Variants in RGS7BP observed in about 807,000 individuals in gnomAD.
RGS7BP encodes regulator of G protein signaling 7 binding protein.
A neutral mutation model predicts 31.3 loss-of-function variants in RGS7BP; 9 were observed. The observed-to-expected ratio is 0.29, with a 90% confidence interval of 0.17 to 0.50. RGS7BP has a LOEUF of 0.50. Among genes scored for constraint, RGS7BP ranks in the 20% least tolerant of loss-of-function variants. The probability of loss-of-function intolerance (pLI) is 0.98; values close to 1 mark genes in which losing one functional copy is unlikely to be tolerated. For missense variants in RGS7BP, 274 were observed against 322.0 expected (o/e 0.85, Z 1.14); for synonymous variants, 115 against 120.1 (o/e 0.96, Z 0.28).
intron 2 of RGS7BP, among the ~76,000 whole-genome samples, chr5:64,538,609 T>A (rs1741447071): frequency 7.8e-6 from 1 of 128,724 alleles, no homozygotes; most frequent in Admixed American, 9.5e-5. Flanking sequence ...CAGGCTGGAG[T>A]GCAGTGGCAC....
At chr5:64,597,108 T>G (rs1372043054) in intron 4 of RGS7BP, among the ~76,000 whole-genome samples, 1 of 152,172 alleles carries the variant, frequency 6.6e-6, no homozygotes, top group Non-Finnish European at 1.5e-5. Flanking sequence ...TTCCTGGCTA[T>G]TTTAAATGAA....
intron 3 of RGS7BP, among the ~76,000 whole-genome samples, chr5:64,577,460 T>A (rs1742466908): frequency 6.6e-6 from 1 of 152,008 alleles, no homozygotes; most frequent in African/African-American, 2.4e-5. Flanking sequence ...TAAAAAATCT[T>A]GTGTACACAT....
intron 3 of RGS7BP, 88 bp downstream of exon 3, chr5:64,575,992 T>C (rs1169114987): frequency 8.8e-7 from 1 of 1,142,036 alleles, no homozygotes; most frequent in African/African-American, 1.6e-5. Context: ...CCATATCATA[T>C]GCCTATCTAT....
chr5:64,550,580 T>A (rs149859116), intron 2 of RGS7BP, among the ~76,000 whole-genome samples: 2,259 of 151,862 alleles, frequency 0.015, 88 homozygotes, highest in African/African-American at 0.051. Flanking sequence ...TGCATTTTTT[T>A]AATTTTATTA....
At chr5:64,582,645 C>T (rs890048969) in intron 3 of RGS7BP, among the ~76,000 whole-genome samples, 1 of 152,144 alleles carries the variant, frequency 6.6e-6, no homozygotes, top group Non-Finnish European at 1.5e-5. Context: ...GAGATGTAAT[C>T]ACAAAAGGGA....
At chr5:64,513,223 C>A (rs772869058) in intron 2 of RGS7BP, among the ~76,000 whole-genome samples, 23 of 152,288 alleles carry the variant, frequency 1.5e-4, no homozygotes, top group Non-Finnish European at 2.6e-4. Context: ...AGCAATGTAA[C>A]GAACATCCTA....
chr5:64,515,989 G>T (rs1423907166), intron 2 of RGS7BP, among the ~76,000 whole-genome samples: 14 of 152,012 alleles, frequency 9.2e-5, no homozygotes, highest in Admixed American at 9.2e-4. Flanking sequence ...TTATTATAGA[G>T]ACTGGGGTCT....
At chr5:64,514,184 C>G (rs190404106) in intron 2 of RGS7BP, among the ~76,000 whole-genome samples, 11 of 152,164 alleles carry the variant, frequency 7.2e-5, no homozygotes, top group Non-Finnish European at 1.3e-4. Context: ...TTTACAAGGA[C>G]AGTAGTCATA....
At position 64,598,414 on chromosome 5, in the gene RGS7BP, C is replaced by G; in HGVS notation, c.661C>G (p.Pro221Ala). The G allele has an allele frequency of 6.2e-7, 1 of 1,604,786 alleles. No individual in the cohort carries two copies. Among genetic ancestry groups the G allele is most frequent in the Non-Finnish European group, 8.5e-7 (1 of 1,171,610 alleles). ...TTTAAGCAAACTCAGGGAAACTATG[C>G]CTTTACCATTGAAAAATCAAGGTGA... ...NLLSKLRETM[P>A]LPLKNQDDSS... is the part of the protein sequence containing the mutation. The change falls in exon 5 of 6, where the codon CCT (proline) becomes GCT (alanine). Residue 221 changes from proline to alanine, a missense_variant. Coordinates refer to ENST00000334025, the MANE Select transcript of RGS7BP (RefSeq NM_001029875.3).
chr5:64,600,608 A>C (rs1743193539), intron 5 of RGS7BP, among the ~76,000 whole-genome samples: 1 of 152,212 alleles, frequency 6.6e-6, no homozygotes, highest in African/African-American at 2.4e-5. Flanking sequence ...TGAACCTTGG[A>C]TCTATCTGGG....
Position 64,611,686 on chromosome 5 carries a change from A to G in RGS7BP, c.*2434A>G, listed in dbSNP as rs1282679658. 2 of 152,186 alleles carry G rather than the reference A, an allele frequency of 1.3e-5. No individual in the cohort carries two copies. Among genetic ancestry groups the G allele is most frequent in the Non-Finnish European group, 2.9e-5 (2 of 67,852 alleles). The allele number at this position is 152,186 out of a possible 1,614,324, so 9.4% of individuals were successfully genotyped here. A position where few individuals can be genotyped will look rare whatever the true frequency, so the allele number is the denominator to read the frequency against. Reference sequence around the variant, plus strand: ...ATCAGTTTTGTAGTTCCCGTGGATAAACTCCAAGATCTAAAGATCCTCTTT... The same window carrying G: ...ATCAGTTTTGTAGTTCCCGTGGATAGACTCCAAGATCTAAAGATCCTCTTT... On this transcript the variant is annotated 3_prime_UTR_variant, in exon 6 of 6. Coordinates refer to ENST00000334025, the MANE Select transcript of RGS7BP (RefSeq NM_001029875.3).
chr5:64,557,636 T>C, intron 2 of RGS7BP, among the ~76,000 whole-genome samples: 1 of 152,168 alleles, frequency 6.6e-6, no homozygotes, highest in East Asian at 1.9e-4. Flanking sequence ...ACTTTGTGTA[T>C]CCCCTGCCTT....
chr5:64,520,430 A>G (rs966460248), intron 2 of RGS7BP, among the ~76,000 whole-genome samples: 1 of 152,330 alleles, frequency 6.6e-6, no homozygotes, highest in African/African-American at 2.4e-5. Flanking sequence ...GGAAAAAAAT[A>G]ACAAAATTAT....
At chr5:64,576,571 G>C (rs536123953) in intron 3 of RGS7BP, among the ~76,000 whole-genome samples, 2 of 152,326 alleles carry the variant, frequency 1.3e-5, no homozygotes, top group East Asian at 1.9e-4. Context: ...CTCTAAGAGA[G>C]AGAACTTCTC....
At chr5:64,559,867 A>C (rs950281303) in intron 2 of RGS7BP, among the ~76,000 whole-genome samples, 1 of 152,138 alleles carries the variant, frequency 6.6e-6, no homozygotes, top group Non-Finnish European at 1.5e-5. Context: ...GATTTTAAAA[A>C]AATAACTTGT....
rs1748737159 is a variant in RGS7BP at position 64,507,829 on chromosome 5, G to T, written c.284G>T (p.Gly95Val). 6.2e-7 allele frequency: 1 copy of T among 1,613,982 alleles called. No homozygotes were observed. Among genetic ancestry groups the T allele is most frequent in the Non-Finnish European group, 8.5e-7 (1 of 1,179,974 alleles). Residue 95 changes from glycine to valine, a missense_variant, in exon 2 of 6, where the codon GGC becomes GTC. By Grantham distance (109) the Gly-to-Val change is moderately radical. This residue lies in a region of RGS7BP where 149 missense variants were observed against 152.6 expected (regional missense o/e 0.98). Transcript: ENST00000334025. ...RAEMHKTRTK[G>V]CEMARQAHQK... ...GAAATGCACAAGACAAGAACCAAAG[G>T]CTGTGAAATGGCCCGTCAGGCACAC...
chr5:64,586,492 T>C (rs1742756375), intron 3 of RGS7BP, among the ~76,000 whole-genome samples: 1 of 152,228 alleles, frequency 6.6e-6, no homozygotes, highest in Admixed American at 6.5e-5. Context: ...GGGTCATAAC[T>C]TAGATAACTT....
chr5:64,581,501 T>C (rs1238960306), intron 3 of RGS7BP, among the ~76,000 whole-genome samples: 2 of 152,208 alleles, frequency 1.3e-5, no homozygotes, highest in Non-Finnish European at 2.9e-5. Context: ...TAGAATTATG[T>C]ACCTCACTTA....
chr5:64,521,798 A>C (rs890187595), intron 2 of RGS7BP, among the ~76,000 whole-genome samples: 1 of 152,224 alleles, frequency 6.6e-6, no homozygotes, highest in East Asian at 1.9e-4. Flanking sequence ...TGAATTGTGC[A>C]TCAAAAACAT....
Sources: gnomAD v4.1 joint callset for allele counts (sites outside exome capture counted in the v4.1 genomes callset) on GRCh38, gnomAD v4.1.1 for gene constraint, gnomAD v4.1.1 regional missense constraint, MANE v1.5 for transcripts, NCBI Gene and HGNC (gene_info 2026-07-23, HGNC 2026-07-21) for gene names.